PCDH15: variants seen among roughly 807,000 people sequenced by gnomAD.
The protein encoded by PCDH15 is protocadherin-15.
PCDH15 carries 129 observed loss-of-function variants against 178.5 expected under a neutral mutation model. The ratio of observed to expected loss-of-function variants is 0.72; its 90% CI spans 0.63 to 0.84. The LOEUF (loss-of-function observed/expected upper bound fraction) is 0.84. Ranked by LOEUF, PCDH15 falls within the 40% of genes least tolerant of loss-of-function variation. The pLI, the probability that PCDH15 is intolerant of heterozygous loss-of-function variation, is 0.00. For missense variants in PCDH15, 2,230 were observed against 2,099.9 expected, an observed-to-expected ratio of 1.06 and a Z score of -1.21; for synonymous variants, 800 against 732.0, an observed-to-expected ratio of 1.09 and a Z score of -1.50.
intron 3 of PCDH15, among the ~76,000 whole-genome samples, chr10:54,877,771 C>T (rs1954172483): frequency 6.6e-6 from 1 of 151,956 alleles, no homozygotes; most frequent in Non-Finnish European, 1.5e-5. Flanking sequence ...CATTACCAGC[C>T]CTTCCTCAAT....
intron 18 of PCDH15, among the ~76,000 whole-genome samples, chr10:54,043,590 T>A (rs2093596517): frequency 6.6e-6 from 1 of 151,998 alleles, no homozygotes; most frequent in Non-Finnish European, 1.5e-5. Flanking sequence ...AGATTTGCCA[T>A]GTTGCTCAGG....
At chr10:54,508,347 T>A (rs1368033352) in intron 3 of PCDH15, among the ~76,000 whole-genome samples, 1 of 151,934 alleles carries the variant, frequency 6.6e-6, no homozygotes, top group Admixed American at 6.6e-5. Flanking sequence ...TACCATGGAA[T>A]TAAAAACAAG....
chr10:55,375,993 A>G (rs1837387357), intron 2 of PCDH15, among the ~76,000 whole-genome samples: 1 of 151,988 alleles, frequency 6.6e-6, no homozygotes, highest in Non-Finnish European at 1.5e-5. Flanking sequence ...TAGTTAATAT[A>G]ACATTTTAGT....
chr10:55,426,562 G>A (rs959720641), intron 2 of PCDH15, among the ~76,000 whole-genome samples: 5 of 152,114 alleles, frequency 3.3e-5, no homozygotes, highest in African/African-American at 4.8e-5. Flanking sequence ...TAGCTCGGCC[G>A]TCCATGGATG....
intron 1 of PCDH15, among the ~76,000 whole-genome samples, chr10:55,242,127 G>T (rs1841559240): frequency 6.6e-6 from 1 of 152,144 alleles, no homozygotes; most frequent in Non-Finnish European, 1.5e-5. Context: ...GTGATTATAT[G>T]AAATTTTAAT....
intron 29 of PCDH15, among the ~76,000 whole-genome samples, chr10:53,836,906 A>G (rs1270454529): frequency 6.6e-6 from 1 of 152,224 alleles, no homozygotes; most frequent in Non-Finnish European, 1.5e-5. Flanking sequence ...AGCGATGGAG[A>G]AATTCAGTAG....
At chr10:54,341,870 G>GTGGAACT (rs1270683904) in intron 6 of PCDH15, among the ~76,000 whole-genome samples, 1 of 152,194 alleles carries the variant, frequency 6.6e-6, no homozygotes, top group African/African-American at 2.4e-5. Flanking sequence ...CCCTAGATCT[G>GTGGAACT]TGGAACTTGG....
rs536278593 is a variant in PCDH15 at position 53,852,280 on chromosome 10, TA to T, written c.3806+4894del. ...CAGCTGTTTCTCCTATACCTTAATT[TA>T]AAAAAAAGTAATTTAAAAAACCACA... is the stretch of plus-strand genomic sequence containing the variant. On this transcript the variant is annotated intron_variant, in intron 28 of 37. Transcript: ENST00000644397. Among the ~76,000 whole-genome samples, 744 of 151,858 alleles carry T rather than the reference TA, an allele frequency of 4.9e-3. 3 individuals are homozygous for T. Among genetic ancestry groups the T allele is most frequent in the Non-Finnish European group, 8.6e-3 (582 of 67,896 alleles).
intron 5 of PCDH15, among the ~76,000 whole-genome samples, chr10:54,350,968 G>T (rs917022329): frequency 1.3e-5 from 2 of 151,992 alleles, no homozygotes; most frequent in Non-Finnish European, 1.5e-5. Flanking sequence ...ACCAGGCATG[G>T]TGGTGCACAC....
Position 55,463,989 on chromosome 10 carries a change from AAGAGAAAGAAAGAAAGAAAG to A in PCDH15, c.-156+163616_-156+163635del, listed in dbSNP as rs1839762632. Among the ~76,000 whole-genome samples, 51 of 17,298 alleles carry A rather than the reference AAGAGAAAGAAAGAAAGAAAG, an allele frequency of 2.9e-3. 2 individuals are homozygous for A. The highest frequency in any genetic ancestry group is 0.012 in the African/African-American group (47 of 3,954). 11.3% of individuals were successfully genotyped at this position (17,298 alleles called of 152,430 possible). Reference sequence around the variant, plus strand: ...AGAAAGAAAGAGAAAGAAAGAAAGAAAGAGAAAGAAAGAAAGAAAGAAAGAAAGAAAGAAAGAAAGAAAGA... The same window carrying A: ...AGAAAGAAAGAGAAAGAAAGAAAGAAAAAGAAAGAAAGAAAGAAAGAAAGA... On this transcript the variant is annotated intron_variant, in intron 2 of 5. Coordinates refer to the PCDH15 transcript ENST00000613346.
intron 2 of PCDH15, among the ~76,000 whole-genome samples, chr10:55,334,230 ATATATATATATATGTGTG>A (rs1379529756): frequency 1.8e-4 from 19 of 107,736 alleles, no homozygotes; most frequent in African/African-American, 9.4e-4. Flanking sequence ...CCATATATAT[ATATATATATATATGTGTG>A]TGTGTGTGTG....
intron 2 of PCDH15, among the ~76,000 whole-genome samples, chr10:55,527,913 A>G (rs1432483272): frequency 6.6e-6 from 1 of 152,076 alleles, no homozygotes; most frequent in Non-Finnish European, 1.5e-5. Context: ...ACCAAGATAC[A>G]CTTCTGAGTG....
rs146393497 is a variant in PCDH15 at position 54,433,390 on chromosome 10, T to C, written c.158-54448A>G. Among the ~76,000 whole-genome samples, 114 of 152,228 alleles carry C rather than the reference T, an allele frequency of 7.5e-4. 2 individuals are homozygous for C. In the East Asian group the frequency reaches 0.021, roughly 28 times the overall value. ...TGGAGTACTATTCAGCCATAAAAAA[T>C]GAGATTCTGTCATTTGCAACAACAT... On this transcript the variant is annotated intron_variant, in intron 3 of 37. Transcript: ENST00000644397.
In PCDH15 at chr10:54,822,722, T is replaced by C. The variant is rs532237794; in HGVS notation, c.-29+74728A>G. Among the ~76,000 whole-genome samples, 3 of 152,184 alleles carry C rather than the reference T, an allele frequency of 2.0e-5. No individual in the cohort carries two copies. The South Asian group carries it at 6.2e-4, about 32-fold the overall frequency. On this transcript the variant is annotated intron_variant, in intron 3 of 5. Transcript: ENST00000458638. Reference sequence around the variant, plus strand: ...TGAGGAACCTCCATACTCCTTTCCATAGCAGCAGTACTACTTTACATTCCT... The same window carrying C: ...TGAGGAACCTCCATACTCCTTTCCACAGCAGCAGTACTACTTTACATTCCT...
At chr10:54,448,401 TA>T (rs994446190) in intron 3 of PCDH15, among the ~76,000 whole-genome samples, 13 of 151,816 alleles carry the variant, frequency 8.6e-5, no homozygotes, top group African/African-American at 3.1e-4. Flanking sequence ...TTTTCCCAAG[TA>T]AGCTGAGGCT....
intron 1 of PCDH15, among the ~76,000 whole-genome samples, chr10:55,198,482 A>C (rs1840153885): frequency 6.6e-6 from 1 of 151,872 alleles, no homozygotes; most frequent in Non-Finnish European, 1.5e-5. Flanking sequence ...AAAATAAGTT[A>C]TTTATTTATT....
At chr10:53,913,882 T>A (rs929842084) in intron 25 of PCDH15, among the ~76,000 whole-genome samples, 2 of 151,998 alleles carry the variant, frequency 1.3e-5, no homozygotes, top group African/African-American at 4.8e-5. Flanking sequence ...AGGGCTAACA[T>A]CCAGAATCTA....
At chr10:55,326,699 G>C (rs539533786) in intron 2 of PCDH15, among the ~76,000 whole-genome samples, 1 of 151,866 alleles carries the variant, frequency 6.6e-6, no homozygotes, top group Admixed American at 6.6e-5. Flanking sequence ...AGGAACAAAA[G>C]ATGTAAAATA....
At chr10:54,004,425 AC>A (rs1554906650) in intron 20 of PCDH15, among the ~76,000 whole-genome samples, 1,544 of 28,458 alleles carry the variant, frequency 0.054, 12 homozygotes, top group Middle Eastern at 0.13. Context: ...ACACACACAC[AC>A]CACACAAAGT....
Sources: gnomAD v4.1 joint callset for allele counts (sites outside exome capture counted in the v4.1 genomes callset) on GRCh38, gnomAD v4.1.1 for gene constraint, MANE v1.5 for transcripts, NCBI Gene and HGNC (gene_info 2026-07-23, HGNC 2026-07-21) for gene names.